Variants in ZNF385D observed in about 807,000 individuals in gnomAD.
ZNF385D encodes the protein zinc finger protein 659.
In ZNF385D, 15 loss-of-function variants were observed where a neutral mutation model predicts 35.8. The ratio of observed to expected loss-of-function variants is 0.42; its 90% confidence interval spans 0.28 to 0.64. The LOEUF (loss-of-function observed/expected upper bound fraction) is 0.64, where lower values mean the gene tolerates loss of function less well. Ranked by LOEUF, ZNF385D falls within the 30% of genes least tolerant of loss-of-function variation. The pLI is 0.23. For synonymous variants in ZNF385D, 212 were observed against 186.8 expected, an observed-to-expected ratio of 1.13 and a Z score of -1.10; for missense variants, 474 against 494.6, an observed-to-expected ratio of 0.96 and a Z score of 0.39.
rs373746429 is a variant in ZNF385D at position 21,984,487 on chromosome 3, G to A, written c.325+184330C>T. 3.3e-3 allele frequency among the ~76,000 whole-genome samples: 412 copies of A among 123,696 alleles called. 1 individual carries two copies. Among genetic ancestry groups the A allele is most frequent in the African/African-American group, 7.0e-3 (209 of 29,720 alleles). The allele number at this position is 123,696 out of a possible 152,430, so 81.1% of individuals were successfully genotyped here. A position where few individuals can be genotyped will look rare whatever the true frequency, so the allele number is the denominator to read the frequency against. ...GATCAGATAGTTGTAGGTATACGGCGTTATTTCTGAGGGCTCTGTTCTGTT... is the reference window on the plus strand; with the variant it reads ...GATCAGATAGTTGTAGGTATACGGCATTATTTCTGAGGGCTCTGTTCTGTT... On this transcript the variant is annotated intron_variant, in intron 3 of 5. Coordinates refer to the ZNF385D transcript ENST00000494108.
At chr3:21,707,238 T>G (rs1048914087) in intron 1 of ZNF385D, among the ~76,000 whole-genome samples, 5 of 152,246 alleles carry the variant, frequency 3.3e-5, no homozygotes, top group Admixed American at 2.6e-4. Context: ...AATCACATCA[T>G]CTTTATTAAA....
chr3:21,831,828 A>C (rs933222156), intron 3 of ZNF385D, among the ~76,000 whole-genome samples: 2 of 152,168 alleles, frequency 1.3e-5, no homozygotes, highest in Non-Finnish European at 2.9e-5. Context: ...TATTTTGGCT[A>C]TTTTATCTTT....
chr3:21,758,503 A>G (rs532249425), intron 3 of ZNF385D, among the ~76,000 whole-genome samples: 4 of 152,300 alleles, frequency 2.6e-5, no homozygotes, highest in African/African-American at 4.8e-5. Flanking sequence ...CCATCAGGCA[A>G]GAGACACATC....
chr3:21,751,216 T>A, upstream of ZNF385D: 1 of 1,287,778 alleles, frequency 7.8e-7, no homozygotes, highest in Non-Finnish European at 9.9e-7. Context: ...GGACTGAGAG[T>A]ACTACAAGCA....
intron 3 of ZNF385D, among the ~76,000 whole-genome samples, chr3:22,111,152 ATTT>A (rs61708178): frequency 2.0e-4 from 14 of 68,974 alleles, no homozygotes; most frequent in African/African-American, 6.6e-4. Flanking sequence ...TCCATGTTGG[ATTT>A]TTTTTTTTTT....
At chr3:22,307,226 G>C (rs962888494) in intron 2 of ZNF385D, among the ~76,000 whole-genome samples, 3 of 152,118 alleles carry the variant, frequency 2.0e-5, no homozygotes, top group Admixed American at 2.0e-4. Context: ...AAGTGTTTGA[G>C]AGTCAGTTTA....
chr3:22,186,940 G>T (rs1292032484), intron 2 of ZNF385D, among the ~76,000 whole-genome samples: 1 of 152,082 alleles, frequency 6.6e-6, no homozygotes, highest in African/African-American at 2.4e-5. Flanking sequence ...AATACTCAAA[G>T]CACTGCCAAT....
At chr3:22,049,810 G>C (rs191909768) in intron 3 of ZNF385D, among the ~76,000 whole-genome samples, 74 of 152,190 alleles carry the variant, frequency 4.9e-4, no homozygotes, top group African/African-American at 1.6e-3. Context: ...TTGCTGATTT[G>C]TGTATGTTGA....
chr3:21,597,530 A>G (rs2064160462), intron 2 of ZNF385D, among the ~76,000 whole-genome samples: 1 of 152,176 alleles, frequency 6.6e-6, no homozygotes, highest in South Asian at 2.1e-4. Context: ...TGACTGGTGG[A>G]AAGAAGGAAG....
intron 2 of ZNF385D, among the ~76,000 whole-genome samples, chr3:21,605,023 G>T (rs957119910): frequency 6.6e-6 from 1 of 152,188 alleles, no homozygotes; most frequent in South Asian, 2.1e-4. Context: ...GCATGAGAAT[G>T]AAAGATTCTG....
chr3:22,311,185 A>T (rs767397145), intron 2 of ZNF385D, among the ~76,000 whole-genome samples: 9 of 151,996 alleles, frequency 5.9e-5, no homozygotes, highest in Non-Finnish European at 1.3e-4. Context: ...ATTTATTCTT[A>T]AAGTCTTTAC....
chr3:21,761,795 G>A (rs1002498174), intron 3 of ZNF385D, among the ~76,000 whole-genome samples: 3 of 147,404 alleles, frequency 2.0e-5, no homozygotes, highest in African/African-American at 7.5e-5. Context: ...TATTACCCAA[G>A]TGATAAAAAT....
At chr3:22,197,742 T>A (rs540568686) in intron 2 of ZNF385D, among the ~76,000 whole-genome samples, 9 of 152,102 alleles carry the variant, frequency 5.9e-5, no homozygotes, top group Admixed American at 2.6e-4. Context: ...TCTGTTCAGA[T>A]TCTGGGACTC....
chr3:21,966,914 A>T (rs1702946920), intron 3 of ZNF385D, among the ~76,000 whole-genome samples: 1 of 152,186 alleles, frequency 6.6e-6, no homozygotes, highest in Admixed American at 6.5e-5. Context: ...TAGCAGATTT[A>T]CTTCTAATTT....
intron 3 of ZNF385D, among the ~76,000 whole-genome samples, chr3:22,112,778 T>C (rs1224765509): frequency 6.6e-6 from 1 of 152,054 alleles, no homozygotes; most frequent in African/African-American, 2.4e-5. Flanking sequence ...TGTCAAGAAA[T>C]ACAAACTTCA....
intron 3 of ZNF385D, among the ~76,000 whole-genome samples, chr3:22,129,858 C>T (rs1308941094): frequency 1.3e-5 from 2 of 152,026 alleles, no homozygotes; most frequent in Non-Finnish European, 2.9e-5. Flanking sequence ...TAAGACCCTT[C>T]CCTCTCTTTT....
At chr3:22,010,141 G>T (rs1028245352) in intron 3 of ZNF385D, among the ~76,000 whole-genome samples, 1 of 151,984 alleles carries the variant, frequency 6.6e-6, no homozygotes, top group African/African-American at 2.4e-5. Context: ...AAGATGAGAA[G>T]ATTTCATTTA....
intron 3 of ZNF385D, among the ~76,000 whole-genome samples, chr3:22,063,339 C>T (rs78748705): frequency 1.8e-4 from 28 of 152,228 alleles, no homozygotes; most frequent in African/African-American, 6.7e-4. Flanking sequence ...AAACATACAT[C>T]ATTTTGATTA....
At chr3:21,931,843 T>C (rs945296564) in intron 3 of ZNF385D, among the ~76,000 whole-genome samples, 1 of 152,002 alleles carries the variant, frequency 6.6e-6, no homozygotes, top group Non-Finnish European at 1.5e-5. Flanking sequence ...AATATGTAAA[T>C]TTCAACTCAA....
Sources: gnomAD v4.1 joint callset for allele counts (sites outside exome capture counted in the v4.1 genomes callset) on GRCh38, gnomAD v4.1.1 for gene constraint, MANE v1.5 for transcripts, NCBI Gene and HGNC (gene_info 2026-07-23, HGNC 2026-07-21) for gene names.